Variants in LAMC3 observed in about 807,000 individuals in gnomAD.
LAMC3 encodes the protein laminin subunit gamma 3.
Under a neutral mutation model 173.8 loss-of-function variants are expected in LAMC3, and 128 were observed. The observed-to-expected ratio is 0.74, with a 90% CI of 0.64 to 0.85. LAMC3 has a LOEUF of 0.85. Among genes scored for constraint, LAMC3 ranks in the 40% least tolerant of loss-of-function variants. The pLI, the probability that LAMC3 is intolerant of heterozygous loss-of-function variation, is 0.00. For missense variants in LAMC3, 2,022 were observed against 2,156.0 expected (o/e 0.94, Z 1.23); for synonymous variants, 897 against 909.1 (o/e 0.99, Z 0.24).
intron 24 of LAMC3, among the ~76,000 whole-genome samples, chr9:131,084,955 A>C (rs78608937): frequency 1.3e-5 from 2 of 151,848 alleles, no homozygotes; most frequent in South Asian, 4.2e-4. Flanking sequence ...AAAAAAAAAA[A>C]AGAGAATTGT....
intron 1 of LAMC3, among the ~76,000 whole-genome samples, chr9:131,025,199 C>T (rs1399987298): frequency 1.3e-5 from 2 of 152,280 alleles, no homozygotes; most frequent in East Asian, 3.9e-4. Flanking sequence ...CATTTCTGTT[C>T]CCTGATGCAT....
rs1405762765 is a variant in LAMC3 at position 131,026,672 on chromosome 9, C to T, written c.678+83C>T. 3 of 1,453,774 alleles carry T rather than the reference C, an allele frequency of 2.1e-6. No homozygotes were observed. In the African/African-American group the frequency reaches 4.3e-5, roughly 21 times the overall value. The allele number at this position is 1,453,774 out of a possible 1,614,324, so 90.1% of individuals were successfully genotyped here. ...TAGGAGGGTCTGATGTGCCAGGACA[C>T]ACAGGGTGGGGGACCTGCAAAACCC... On this transcript the variant is annotated intron_variant, in intron 2 of 27. Transcript: ENST00000361069. The surrounding 1 kb of genome is among the most constrained non-coding windows in gnomAD (Gnocchi z 4.8).
intron 11 of LAMC3, among the ~76,000 whole-genome samples, chr9:131,055,368 G>C (rs2133287835): frequency 6.6e-6 from 1 of 151,618 alleles, no homozygotes; most frequent in Non-Finnish European, 1.5e-5. Context: ...TCTGTTACTG[G>C]AAGCAAAACC....
In LAMC3 at chr9:131,068,919, A is replaced by G; in HGVS notation, c.2759A>G (p.His920Arg). Residue 920 changes from histidine (H) to arginine (R), a missense_variant, in exon 16 of 28, where the codon CAC (histidine) becomes CGC (arginine). Physicochemically the swap from His to Arg is conservative, Grantham distance 29. Coordinates refer to ENST00000361069, the MANE Select transcript of LAMC3 (RefSeq NM_006059.4). Reference sequence around the variant, plus strand: ...TTCCCTGATCACAGCTGCAAGTGTCACCCACTGGGCTCCCAGGAGGACCAG... The same window carrying G: ...TTCCCTGATCACAGCTGCAAGTGTCGCCCACTGGGCTCCCAGGAGGACCAG... ...PGRGCRSCKCHPLGSQEDQCH... is the reference protein window; with the variant it reads ...PGRGCRSCKCRPLGSQEDQCH... 6.2e-7 allele frequency: 1 copy of G among 1,613,916 alleles called. No homozygotes were observed. The highest frequency in any genetic ancestry group is 8.5e-7 in the Non-Finnish European group (1 of 1,179,978).
chr9:131,079,413 G>T, intron 23 of LAMC3, 115 bp downstream of exon 23: 2 of 1,310,656 alleles, frequency 1.5e-6, no homozygotes, highest in Non-Finnish European at 2.1e-6. Context: ...AGCTCTGTCC[G>T]GCCGGGTGTA....
intron 12 of LAMC3, among the ~76,000 whole-genome samples, chr9:131,059,149 T>C (rs1829753813): frequency 6.6e-6 from 1 of 150,876 alleles, no homozygotes. Flanking sequence ...TGAGCCGGGA[T>C]CGCGCCGCTG....
chr9:131,074,962 G>A (rs975063646), intron 20 of LAMC3, among the ~76,000 whole-genome samples: 4 of 151,744 alleles, frequency 2.6e-5, no homozygotes, highest in Admixed American at 1.3e-4. Context: ...ATGCTTTCAC[G>A]TGTGATAAAA....
At chr9:131,081,146 C>T (rs187666748) in intron 23 of LAMC3, among the ~76,000 whole-genome samples, 86 of 152,326 alleles carry the variant, frequency 5.6e-4, no homozygotes, top group African/African-American at 2.0e-3. Flanking sequence ...GAAATGGAAT[C>T]GTGTAATATG....
intron 12 of LAMC3, 29 bp from the exon 13 acceptor site, chr9:131,061,006 C>A: frequency 6.2e-7 from 1 of 1,611,946 alleles, no homozygotes; most frequent in Non-Finnish European, 8.5e-7. Flanking sequence ...ATTCTGGGTT[C>A]AGACAGTGGT....
intron 13 of LAMC3, among the ~76,000 whole-genome samples, chr9:131,065,630 C>A: frequency 6.6e-6 from 1 of 152,152 alleles, no homozygotes. Context: ...GATAAGGTGA[C>A]GATGACAGTT....
rs187437654 is a variant in LAMC3 at position 131,030,652 on chromosome 9, G to A, written c.679-1393G>A. Among the ~76,000 whole-genome samples, 323 of 152,328 alleles carry A rather than the reference G, an allele frequency of 2.1e-3. 7 individuals are homozygous for A. Among genetic ancestry groups the A allele is most frequent in the Admixed American group, 0.014 (218 of 15,296 alleles). On this transcript the variant is annotated intron_variant, in intron 2 of 27. Coordinates refer to ENST00000361069, the MANE Select transcript of LAMC3 (RefSeq NM_006059.4). Reference sequence around the variant, plus strand: ...CTACTTCAGGGTTACCGTGAGGCCCGAGCCCTAACCATACAATATGTGTCA... The same window carrying A: ...CTACTTCAGGGTTACCGTGAGGCCCAAGCCCTAACCATACAATATGTGTCA...
intron 1 of LAMC3, among the ~76,000 whole-genome samples, chr9:131,014,178 G>T (rs1250709739): frequency 6.6e-6 from 1 of 152,202 alleles, no homozygotes; most frequent in Non-Finnish European, 1.5e-5. Flanking sequence ...GGTGTAGCCA[G>T]CCTCCCATGG....
chr9:131,026,197 C>T lies in LAMC3; in HGVS notation c.374-88C>T. 1 of 1,580,276 alleles carries T rather than the reference C, an allele frequency of 6.3e-7. No homozygotes were observed. The highest frequency in any genetic ancestry group is 8.6e-7 in the Non-Finnish European group (1 of 1,164,224). On this transcript the variant is annotated intron_variant, in intron 1 of 27. Transcript: ENST00000361069. This position sits in a 1 kb window ranked among gnomAD's most constrained non-coding sequence, Gnocchi z 4.8. Reference sequence around the variant, plus strand: ...TTCCAGCGATCCATCCACGCTAGTGCCTGCAATGCAGCCGTCTGTCCTTCC... The same window carrying T: ...TTCCAGCGATCCATCCACGCTAGTGTCTGCAATGCAGCCGTCTGTCCTTCC...
intron 24 of LAMC3, among the ~76,000 whole-genome samples, chr9:131,084,071 C>G (rs1830288306): frequency 6.9e-6 from 1 of 144,552 alleles, no homozygotes; most frequent in East Asian, 2.0e-4. Flanking sequence ...TTAGTAGAGA[C>G]AGGGTTTCAC....
At position 131,077,235 on chromosome 9, in the gene LAMC3, A is replaced by G. The variant is rs1830144754; in HGVS notation, c.3678A>G (p.Ala1226=). 1 of 1,614,016 alleles carries G rather than the reference A, an allele frequency of 6.2e-7. No homozygotes were observed. ...AAQKALRTAV[A]EVLPEAESVL... ...AGAAAGCACTGAGGACGGCTGTGGC[A>G]GAGGTGCTGCCTGAAGCGGAAAGCG... Residue 1226 remains alanine, a synonymous_variant, in exon 22 of 28, where the codon GCA becomes GCG. Transcript: ENST00000361069.
intron 1 of LAMC3, among the ~76,000 whole-genome samples, chr9:131,017,765 C>T (rs1401544517): frequency 6.7e-6 from 1 of 149,910 alleles, no homozygotes; most frequent in Non-Finnish European, 1.5e-5. Context: ...GTAGTTCACA[C>T]CTGTAATCCC....
chr9:131,092,890 C>T lies in LAMC3; in HGVS notation c.*1103C>T, dbSNP rs1160320895. Reference sequence around the variant, plus strand: ...CTCCTCAGCATTTCCTCTTGGCATCCCTCCCCTCTCCCAGACCCTCTTCCA... The same window carrying T: ...CTCCTCAGCATTTCCTCTTGGCATCTCTCCCCTCTCCCAGACCCTCTTCCA... On this transcript the variant is annotated 3_prime_UTR_variant, in exon 28 of 28. Coordinates refer to ENST00000361069, the MANE Select transcript of LAMC3 (RefSeq NM_006059.4). 1 of 152,516 alleles carries T rather than the reference C, an allele frequency of 6.6e-6. No individual in the cohort carries two copies. Among genetic ancestry groups the T allele is most frequent in the Non-Finnish European group, 1.5e-5 (1 of 68,238 alleles). 9.4% of individuals were successfully genotyped at this position (152,516 alleles called of 1,614,324 possible). A position where few individuals can be genotyped will look rare whatever the true frequency, so the allele number is the denominator to read the frequency against.
In LAMC3 at chr9:131,009,972, G is replaced by A. The variant is rs1352666723; in HGVS notation, c.373+385G>A. The stretch of plus-strand genomic sequence containing the variant: ...AGTTCGAGACCAGCCTGGCCAACAT[G>A]GTGAAAACCCGTCTCTACTAAAAAT... On this transcript the variant is annotated intron_variant, in intron 1 of 27. Coordinates refer to ENST00000361069, the MANE Select transcript of LAMC3 (RefSeq NM_006059.4). The surrounding 1 kb of genome is among the most constrained non-coding windows in gnomAD (Gnocchi z 4.3). Among the ~76,000 whole-genome samples the A allele has an allele frequency of 1.3e-5, 2 of 151,782 alleles. No individual in the cohort carries two copies. Among genetic ancestry groups the A allele is most frequent in the African/African-American group, 2.4e-5 (1 of 41,302 alleles).
rs746357043 is a variant in LAMC3 at position 131,091,801 on chromosome 9, C to T, written c.*14C>T. ...AGCTGGCAGTGAGGGCTGCCCAGAT[C>T]CCCGGCACACACTCCCCCACCTGCT... On this transcript the variant is annotated 3_prime_UTR_variant, in exon 28 of 28. Transcript: ENST00000361069. 2.5e-6 allele frequency: 4 copies of T among 1,610,904 alleles called. No individual in the cohort carries two copies. In the African/African-American group the frequency reaches 4.0e-5, roughly 16 times the overall value.
Sources: allele counts gnomAD v4.1 joint callset (sites outside exome capture counted in the v4.1 genomes callset), GRCh38; gene constraint gnomAD v4.1.1; non-coding constraint Gnocchi (gnomAD v3.1); transcripts MANE v1.5; gene names NCBI Gene and HGNC (gene_info 2026-07-23, HGNC 2026-07-21).